FBXO34: variants seen among roughly 807,000 people sequenced by gnomAD.
FBXO34 encodes F-box protein 34, also known as F-box only protein 34.
In FBXO34, 12 loss-of-function variants were observed where a neutral mutation model predicts 24.5. That is an observed-to-expected ratio of 0.49 (90% CI 0.31 to 0.79). The LOEUF is 0.79. Ranked by LOEUF, FBXO34 falls within the 30% of genes least tolerant of loss-of-function variation. The pLI is 0.04. For synonymous variants in FBXO34, 320 were observed against 311.9 expected (o/e 1.03, Z -0.27); for missense variants, 823 against 857.7 (o/e 0.96, Z 0.51).
the FBXO34 span, among the ~76,000 whole-genome samples, chr14:55,388,948 CTT>C: frequency 6.7e-6 from 1 of 148,922 alleles, no homozygotes; most frequent in East Asian, 2.0e-4. Flanking sequence ...CACGTTGAAG[CTT>C]TTTTTTTTCA....
At chr14:55,396,574 C>T in the FBXO34 span, among the ~76,000 whole-genome samples, 4 of 152,242 alleles carry the variant, frequency 2.6e-5, no homozygotes, top group South Asian at 6.2e-4. Flanking sequence ...CTGTTTTCAT[C>T]GGGGGTGTGA....
Position 55,332,263 on chromosome 14 carries a change from C to G in FBXO34, c.-10-18118C>G, listed in dbSNP as rs1485682832. ...GTAGGTGTTAAATCGTTAGTAAATG[C>G]ACGAGCTCTAAAGTACATCCTTTTT... On this transcript the variant is annotated intron_variant, in intron 1 of 1. Transcript: ENST00000313833. Among the ~76,000 whole-genome samples, 3 of 151,958 alleles carry G rather than the reference C, an allele frequency of 2.0e-5. No individual in the cohort carries two copies. The East Asian group carries it at 5.8e-4, about 29-fold the overall frequency.
At chr14:55,323,218 A>AAAAAATAT (rs1566555819) in intron 1 of FBXO34, among the ~76,000 whole-genome samples, 2 of 31,628 alleles carry the variant, frequency 6.3e-5, no homozygotes, top group South Asian at 1.4e-3. Flanking sequence ...AAAAAAAAAA[A>AAAAAATAT]ATATATATTT....
chr14:55,412,209 G>T, the FBXO34 span, among the ~76,000 whole-genome samples: 12 of 152,174 alleles, frequency 7.9e-5, no homozygotes, highest in Admixed American at 5.9e-4. Context: ...CTAAACTACA[G>T]CAAACAAAGT....
intron 3 of FBXO34, among the ~76,000 whole-genome samples, chr14:55,358,947 A>G (rs1346062748): frequency 1.3e-5 from 2 of 151,916 alleles, no homozygotes; most frequent in Non-Finnish European, 2.9e-5. Flanking sequence ...GGTCTGGTGG[A>G]AGGAGGAGGG....
At position 55,332,896 on chromosome 14, in the gene FBXO34, G is replaced by C. The variant is rs77402032; in HGVS notation, c.-10-17485G>C. 8.5e-3 allele frequency among the ~76,000 whole-genome samples: 1,301 copies of C among 152,314 alleles called. 23 individuals carry two copies. The highest frequency in any genetic ancestry group is 0.03 in the African/African-American group (1,246 of 41,564). On this transcript the variant is annotated intron_variant, in intron 1 of 1. Transcript: ENST00000313833. ...GTGACATGAGAGCCACTAGCGGACAGAGACTGGGGAGAAGGATTGATCAGC... is the reference window on the plus strand; with the variant it reads ...GTGACATGAGAGCCACTAGCGGACACAGACTGGGGAGAAGGATTGATCAGC...
At chr14:55,366,867 A>C (rs1474843801), downstream of FBXO34, 1 of 152,644 alleles carries the variant, frequency 6.6e-6, no homozygotes, top group Non-Finnish European at 1.5e-5. Context: ...ATGAGCAGCA[A>C]AAAGAGTAGA....
At chr14:55,318,770 T>C (rs746151705) in intron 1 of FBXO34, among the ~76,000 whole-genome samples, 3 of 152,144 alleles carry the variant, frequency 2.0e-5, no homozygotes, top group East Asian at 3.9e-4. Context: ...ACAATTAGTA[T>C]TCCATTGTCT....
At chr14:55,412,825 A>G in the FBXO34 span, among the ~76,000 whole-genome samples, 2 of 152,098 alleles carry the variant, frequency 1.3e-5, no homozygotes, top group Admixed American at 6.6e-5. Context: ...CACAAACTCA[A>G]AGTGTTGGAA....
chr14:55,413,022 C>T, the FBXO34 span, among the ~76,000 whole-genome samples: 1 of 152,214 alleles, frequency 6.6e-6, no homozygotes, highest in South Asian at 2.1e-4. Context: ...GCTCCTCCGT[C>T]TTCTTAATCT....
chr14:55,341,943 C>T (rs1345549509), intron 1 of FBXO34, among the ~76,000 whole-genome samples: 1 of 152,202 alleles, frequency 6.6e-6, no homozygotes, highest in African/African-American at 2.4e-5. Context: ...CCCTTCTCTT[C>T]CCTCCCTACT....
intron 1 of FBXO34, among the ~76,000 whole-genome samples, chr14:55,317,565 T>C (rs1409086199): frequency 6.6e-6 from 1 of 152,228 alleles, no homozygotes; most frequent in African/African-American, 2.4e-5. Context: ...ATTTTGTTAT[T>C]ATGGATGCTC....
chr14:55,341,583 G>A (rs1883993075), intron 1 of FBXO34, among the ~76,000 whole-genome samples: 1 of 152,154 alleles, frequency 6.6e-6, no homozygotes, highest in Non-Finnish European at 1.5e-5. Context: ...TAGGAACTCC[G>A]AATATCTGAA....
intron 1 of FBXO34, among the ~76,000 whole-genome samples, chr14:55,338,711 A>G (rs1883877948): frequency 6.6e-6 from 1 of 152,180 alleles, no homozygotes; most frequent in Admixed American, 6.5e-5. Context: ...GATCGAGACC[A>G]TCCTGGCTAA....
chr14:55,339,374 A>AC (rs1883906577), intron 1 of FBXO34: 1 of 88,786 alleles, frequency 1.1e-5, no homozygotes, highest in African/African-American at 6.3e-5. Flanking sequence ...TCCTTTAATC[A>AC]CCTGCCCCCC....
chr14:55,298,323 G>A (rs975620613), intron 1 of FBXO34, among the ~76,000 whole-genome samples: 1 of 151,966 alleles, frequency 6.6e-6, no homozygotes, highest in African/African-American at 2.4e-5. Context: ...CACCCCTGGT[G>A]TAGTGGTTCC....
chr14:55,362,330 A>T (rs1884604085), downstream of FBXO34, among the ~76,000 whole-genome samples: 1 of 152,218 alleles, frequency 6.6e-6, no homozygotes, highest in Non-Finnish European at 1.5e-5. Flanking sequence ...AACATCAAAG[A>T]TCACTGATCA....
chr14:55,325,393 G>T (rs996361140), intron 1 of FBXO34, among the ~76,000 whole-genome samples: 3 of 152,100 alleles, frequency 2.0e-5, no homozygotes, highest in Admixed American at 2.0e-4. Flanking sequence ...AAGTTGTGAT[G>T]GTGTAGAGCT....
Position 55,321,832 on chromosome 14 carries a change from A to T in FBXO34, c.-10-28549A>T, listed in dbSNP as rs576474592. Among the ~76,000 whole-genome samples, 4 of 152,326 alleles carry T rather than the reference A, an allele frequency of 2.6e-5. No homozygotes were observed. In the South Asian group the frequency reaches 8.3e-4, roughly 32 times the overall value. ...CATTCTCTGTAAAGCTGCCGCAGGG[A>T]TCTGTCAAAAATACTCATCTTTAGT... On this transcript the variant is annotated intron_variant, in intron 1 of 1. Transcript: ENST00000313833.
Sources: allele counts gnomAD v4.1 joint callset (sites outside exome capture counted in the v4.1 genomes callset), GRCh38; gene constraint gnomAD v4.1.1; transcripts MANE v1.5; gene names NCBI Gene and HGNC (gene_info 2026-07-23, HGNC 2026-07-21).